The following TNR variants were observed in gnomAD, a reference collection of about 807,000 sequenced individuals.
TNR encodes the protein tenascin-R.
A neutral mutation model predicts 150.4 loss-of-function variants in TNR; 45 were observed. The observed-to-expected ratio is 0.30, with a 90% confidence interval of 0.24 to 0.38. TNR has a LOEUF of 0.38. Ranked by LOEUF, TNR falls within the 10% of genes least tolerant of loss-of-function variation. TNR has a pLI of 1.00. For synonymous variants in TNR, 687 were observed against 678.4 expected (o/e 1.01, Z -0.20); for missense variants, 1,544 against 1,759.1 (o/e 0.88, Z 2.19).
At chr1:175,534,466 C>T (rs985110799) in intron 1 of TNR, among the ~76,000 whole-genome samples, 5 of 152,210 alleles carry the variant, frequency 3.3e-5, no homozygotes, top group Non-Finnish European at 5.9e-5. Flanking sequence ...TTTAGTGCTA[C>T]CTCATTCTCC....
rs143851075 is a variant in TNR at position 175,507,384 on chromosome 1, T to C, written c.-64+20885A>G. ...CTTTCTGCCATCAGAGTTCTTTTTT[T>C]CTAAAATAGAACCACAGCTAATGAT... On this transcript the variant is annotated intron_variant, in intron 2 of 22. Transcript: ENST00000367674. Among the ~76,000 whole-genome samples the C allele has an allele frequency of 3.1e-3, 478 of 152,320 alleles. 2 individuals are homozygous for C. The highest frequency in any genetic ancestry group is 2.4e-3 in the Non-Finnish European group (161 of 68,022).
chr1:175,673,505 T>A (rs1026646476), intron 1 of TNR, among the ~76,000 whole-genome samples: 2 of 152,232 alleles, frequency 1.3e-5, no homozygotes, highest in Non-Finnish European at 2.9e-5. Context: ...GGCAAGCATA[T>A]GTAGGGTGCT....
intron 12 of TNR, 29 bp downstream of exon 12, chr1:175,364,981 T>C (rs780369184): frequency 6.4e-7 from 1 of 1,574,782 alleles, no homozygotes; most frequent in Non-Finnish European, 8.6e-7. Flanking sequence ...ACCCCTTTCA[T>C]CACCTGCTGC....
chr1:175,500,116 C>G (rs1344047495), intron 2 of TNR, among the ~76,000 whole-genome samples: 1 of 152,178 alleles, frequency 6.6e-6, no homozygotes, highest in Admixed American at 6.5e-5. Context: ...CAAGTCAGAA[C>G]AGCAGCCCGG....
intron 9 of TNR, among the ~76,000 whole-genome samples, chr1:175,369,886 G>A (rs1240359751): frequency 2.0e-5 from 3 of 152,294 alleles, no homozygotes; most frequent in East Asian, 1.9e-4. Context: ...GTAGGCTTTT[G>A]TGGAGTCCAT....
At position 175,587,786 on chromosome 1, in the gene TNR, A is replaced by T. The variant is rs550713733; in HGVS notation, c.-164-59417T>A. ...TGCCCAGGTGATTTTTAATGTGCAG[A>T]AGGGTTGAAAAGCACTGGACAAGAA... is the stretch of plus-strand genomic sequence containing the variant. On this transcript the variant is annotated intron_variant, in intron 1 of 22. Coordinates refer to ENST00000367674, the MANE Select transcript of TNR (RefSeq NM_003285.3). Among the ~76,000 whole-genome samples the T allele has an allele frequency of 7.9e-4, 120 of 152,334 alleles. 1 individual carries two copies. Among genetic ancestry groups the T allele is most frequent in the African/African-American group, 2.7e-3 (114 of 41,574 alleles).
At chr1:175,532,451 T>A (rs1366356193) in intron 1 of TNR, among the ~76,000 whole-genome samples, 1 of 152,196 alleles carries the variant, frequency 6.6e-6, no homozygotes, top group Non-Finnish European at 1.5e-5. Flanking sequence ...AGACTCCTAC[T>A]TTCAGGCATA....
chr1:175,728,356 A>G (rs145082146), intron 1 of TNR, among the ~76,000 whole-genome samples: 2,204 of 152,324 alleles, frequency 0.014, 19 homozygotes, highest in Middle Eastern at 0.024. Context: ...GACACTGTCA[A>G]GGTCAAGGAT....
intron 2 of TNR, among the ~76,000 whole-genome samples, chr1:175,490,209 A>AC (rs201787932): frequency 0.018 from 2,742 of 152,304 alleles, 39 homozygotes; most frequent in South Asian, 0.042. Flanking sequence ...CTTCCACCAT[A>AC]TAAAAAATTA....
At chr1:175,637,728 A>C (rs73033351) in intron 1 of TNR, among the ~76,000 whole-genome samples, 3,480 of 152,284 alleles carry the variant, frequency 0.023, 120 homozygotes, top group African/African-American at 0.076. Context: ...TGCGGCTCCA[A>C]GAAGAAATCT....
At chr1:175,572,556 TA>T (rs1459402047) in intron 1 of TNR, among the ~76,000 whole-genome samples, 1 of 152,094 alleles carries the variant, frequency 6.6e-6, no homozygotes, top group Non-Finnish European at 1.5e-5. Context: ...CAGTCAATCA[TA>T]ATGGGCACTG....
Position 175,528,944 on chromosome 1 carries a change from G to T in TNR, c.-164-575C>A, listed in dbSNP as rs769548388. ...CCAAGCACAATGCCAGTGCATAAAA[G>T]TTCAACAAAGAAGGAATAAATGCAT... On this transcript the variant is annotated intron_variant, in intron 1 of 22. Coordinates refer to ENST00000367674, the MANE Select transcript of TNR (RefSeq NM_003285.3). 9.3e-4 allele frequency among the ~76,000 whole-genome samples: 141 copies of T among 152,342 alleles called. 2 individuals carry two copies. Among genetic ancestry groups the T allele is most frequent in the Non-Finnish European group, 1.5e-3 (102 of 68,036 alleles).
intron 2 of TNR, among the ~76,000 whole-genome samples, chr1:175,453,534 T>C (rs1472615473): frequency 6.6e-6 from 1 of 152,096 alleles, no homozygotes; most frequent in Non-Finnish European, 1.5e-5. Flanking sequence ...TTTTGGTTTT[T>C]AAACTTTAAT....
chr1:175,429,637 TA>T (rs1461551123), intron 2 of TNR, among the ~76,000 whole-genome samples: 1 of 152,218 alleles, frequency 6.6e-6, no homozygotes, highest in African/African-American at 2.4e-5. Flanking sequence ...AATAGCATCT[TA>T]TGAGATTAAT....
chr1:175,596,235 C>A (rs750759448), intron 1 of TNR, among the ~76,000 whole-genome samples: 9 of 152,156 alleles, frequency 5.9e-5, no homozygotes, highest in African/African-American at 2.2e-4. Context: ...TGACTTCCCT[C>A]GAAAGATGAA....
At chr1:175,473,184 C>G (rs1657372470) in intron 2 of TNR, among the ~76,000 whole-genome samples, 1 of 152,132 alleles carries the variant, frequency 6.6e-6, no homozygotes, top group African/African-American at 2.4e-5. Flanking sequence ...AGCTGAGACT[C>G]CATCTTAGGC....
intron 1 of TNR, among the ~76,000 whole-genome samples, chr1:175,617,690 C>G (rs1663825821): frequency 2.0e-5 from 3 of 152,332 alleles, no homozygotes; most frequent in Admixed American, 1.3e-4. Flanking sequence ...CTGAGAAGTA[C>G]TGGCTGAAGC....
At chr1:175,587,206 C>T (rs1217132116) in intron 1 of TNR, among the ~76,000 whole-genome samples, 1 of 152,182 alleles carries the variant, frequency 6.6e-6, no homozygotes, top group East Asian at 1.9e-4. Context: ...CAGTTCATAA[C>T]AGTTGCTGGC....
At chr1:175,602,203 C>CA (rs57341654) in intron 1 of TNR, among the ~76,000 whole-genome samples, 7,234 of 30,550 alleles carry the variant, frequency 0.24, 1,661 homozygotes, top group East Asian at 0.43. Flanking sequence ...GGACCAAAGG[C>CA]AAAAAAAAAA....
Sources: gnomAD v4.1 joint callset for allele counts (sites outside exome capture counted in the v4.1 genomes callset) on GRCh38, gnomAD v4.1.1 for gene constraint, MANE v1.5 for transcripts, NCBI Gene and HGNC (gene_info 2026-07-23, HGNC 2026-07-21) for gene names.